The following PDILT variants were observed in gnomAD, a reference collection of about 807,000 sequenced individuals.
The protein encoded by PDILT is protein disulfide isomerase like, testis expressed.
In PDILT, 43 loss-of-function variants were observed where a neutral mutation model predicts 53.7. The observed-to-expected ratio is 0.80, with a 90% CI of 0.63 to 1.03. The LOEUF is 1.03. Among genes scored for constraint, PDILT ranks in the 50% least tolerant of loss-of-function variants. The probability of loss-of-function intolerance (pLI) is 0.00; values close to 1 mark genes in which losing one functional copy is unlikely to be tolerated. For synonymous variants in PDILT, 282 were observed against 274.2 expected, an observed-to-expected ratio of 1.03 and a Z score of -0.28; for missense variants, 727 against 712.3, an observed-to-expected ratio of 1.02 and a Z score of -0.24.
intron 3 of PDILT, among the ~76,000 whole-genome samples, chr16:20,383,549 G>A (rs764440328): frequency 6.6e-6 from 1 of 151,670 alleles, no homozygotes; most frequent in Non-Finnish European, 1.5e-5. Flanking sequence ...CTCTTGTGGC[G>A]CCTTTCTCTG....
intron 8 of PDILT, among the ~76,000 whole-genome samples, chr16:20,367,055 CTT>C (rs1282412864): frequency 3.3e-4 from 33 of 99,646 alleles, no homozygotes; most frequent in Non-Finnish European, 5.6e-4. Context: ...TTCTTTCTTT[CTT>C]TCTTTCTTTC....
At chr16:20,394,915 T>C (rs544325992) in intron 2 of PDILT, among the ~76,000 whole-genome samples, 1 of 152,262 alleles carries the variant, frequency 6.6e-6, no homozygotes, top group Non-Finnish European at 1.5e-5. Flanking sequence ...TAAGATGATA[T>C]GGACCCTTAT....
chr16:20,377,908 C>T (rs1966408751), intron 3 of PDILT, among the ~76,000 whole-genome samples: 2 of 151,620 alleles, frequency 1.3e-5, no homozygotes, highest in South Asian at 2.1e-4. Flanking sequence ...GAGCCAAGTT[C>T]GCACCACCGC....
In PDILT at chr16:20,359,363, G is replaced by A. The variant is rs1966063593; in HGVS notation, c.1711C>T (p.Pro571Ser). ...TTTGGTTTCTTCTTTTGCACTGGAG[G>A]TCCCTTTGGCTTAGCCACCACCACC... ...VVVVVAKPKG[P>S]PVQKKKPKVK... The change falls in exon 12 of 12, where the codon CCT becomes TCT. Residue 571 changes from proline to serine, a missense_variant. Coordinates refer to ENST00000302451, the MANE Select transcript of PDILT (RefSeq NM_174924.2). 6 of 1,614,006 alleles carry A rather than the reference G, an allele frequency of 3.7e-6. No homozygotes were observed. The highest frequency in any genetic ancestry group is 5.1e-6 in the Non-Finnish European group (6 of 1,180,026).
At chr16:20,393,274 G>A (rs896862467) in intron 2 of PDILT, among the ~76,000 whole-genome samples, 2 of 152,156 alleles carry the variant, frequency 1.3e-5, no homozygotes, top group African/African-American at 2.4e-5. Flanking sequence ...AATGCCTGCC[G>A]TGCTCACAGG....
intron 1 of PDILT, among the ~76,000 whole-genome samples, chr16:20,401,391 G>A (rs1966738298): frequency 6.6e-6 from 1 of 152,196 alleles, no homozygotes; most frequent in Non-Finnish European, 1.5e-5. Flanking sequence ...TGCCCAGCTG[G>A]AGACATCAAA....
intron 11 of PDILT, 106 bp from the exon 12 acceptor site, chr16:20,359,673 C>G (rs1966069176): frequency 6.9e-6 from 8 of 1,157,352 alleles, no homozygotes; most frequent in Non-Finnish European, 9.8e-6. Context: ...GTCAAGCCTA[C>G]TTTTTCTGAA....
intron 4 of PDILT, 84 bp downstream of exon 4, chr16:20,375,984 G>C (rs551525093): frequency 9.2e-5 from 140 of 1,529,608 alleles, no homozygotes; most frequent in Admixed American, 7.4e-4. Context: ...CAATCAAAAC[G>C]GAAGAGTCTC....
Position 20,384,730 on chromosome 16 carries a change from C to G in PDILT, c.324G>C (p.Glu108Asp), listed in dbSNP as rs1266549533. The G allele has an allele frequency of 6.2e-7, 1 of 1,614,098 alleles. No homozygotes were observed. The highest frequency in any genetic ancestry group is 8.5e-7 in the Non-Finnish European group (1 of 1,180,046). ...TGGTAATCCCAAACTCCTGCTGAAGCTCCTTCTCTATGGTAATGTCCACTT... is the reference window on the plus strand; with the variant it reads ...TGGTAATCCCAAACTCCTGCTGAAGGTCCTTCTCTATGGTAATGTCCACTT... ...FGKVDITIEK[E>D]LQQEFGITKA... Residue 108 changes from glutamate to aspartate, a missense_variant, in exon 3 of 12, where the codon GAG becomes GAC. Transcript: ENST00000302451.
intron 8 of PDILT, among the ~76,000 whole-genome samples, chr16:20,368,796 A>G (rs1596582012): frequency 6.6e-6 from 1 of 152,172 alleles, no homozygotes; most frequent in African/African-American, 2.4e-5. Flanking sequence ...TGATCTTGGT[A>G]TGGCCTCGAA....
intron 2 of PDILT, among the ~76,000 whole-genome samples, chr16:20,390,411 C>T (rs1966594218): frequency 6.6e-6 from 1 of 152,132 alleles, no homozygotes; most frequent in Non-Finnish European, 1.5e-5. Context: ...TGGATCACTG[C>T]CTCACCACCT....
intron 9 of PDILT, 48 bp downstream of exon 9, chr16:20,365,372 C>G (rs752623483): frequency 1.2e-6 from 2 of 1,601,402 alleles, no homozygotes; most frequent in Middle Eastern, 1.7e-4. Flanking sequence ...ACACTTGAAA[C>G]ATAATTTTGG....
At chr16:20,382,148 A>G (rs1160768380) in intron 3 of PDILT, among the ~76,000 whole-genome samples, 1 of 152,130 alleles carries the variant, frequency 6.6e-6, no homozygotes, top group Non-Finnish European at 1.5e-5. Context: ...ATCTTCCCAT[A>G]TCAGCCTCCC....
At chr16:20,375,061 T>C (rs1966365417) in intron 4 of PDILT, 102 bp from the exon 5 acceptor site, 1 of 1,357,250 alleles carries the variant, frequency 7.4e-7, no homozygotes, top group African/African-American at 1.5e-5. Context: ...TCTTCACTTT[T>C]TCAAGTTCTG....
intron 2 of PDILT, among the ~76,000 whole-genome samples, chr16:20,397,433 A>G (rs1043285072): frequency 6.6e-6 from 1 of 152,148 alleles, no homozygotes; most frequent in Admixed American, 6.6e-5. Flanking sequence ...ATGAGCTACC[A>G]TGCCCAGCCT....
intron 1 of PDILT, among the ~76,000 whole-genome samples, chr16:20,403,313 G>A (rs972406490): frequency 2.6e-5 from 4 of 152,178 alleles, no homozygotes; most frequent in Admixed American, 2.6e-4. Context: ...GTTTGAGACA[G>A]AGTTTTGCTC....
In PDILT at chr16:20,374,848, G is replaced by A. The variant is rs751918734; in HGVS notation, c.655C>T (p.Leu219Phe). 12 of 1,613,824 alleles carry A rather than the reference G, an allele frequency of 7.4e-6. No homozygotes were observed. In the Admixed American group the frequency reaches 2.0e-4, roughly 27 times the overall value. ...TTTTTGAACACCAGGACGCTGTCAA[G>A]GGTGACGTGGAAACGCCCAATGACA... is the stretch of plus-strand genomic sequence containing the variant. ...GNVIGRFHVT[L>F]DSVLVFKKGK... The change falls in exon 5 of 12, where the codon CTT (leucine) becomes TTT (phenylalanine). Residue 219 changes from leucine to phenylalanine, a missense_variant. Leu to Phe is a conservative substitution (Grantham distance 22, BLOSUM62 0). Transcript: ENST00000302451.
At chr16:20,394,572 T>C (rs749305962) in intron 2 of PDILT, among the ~76,000 whole-genome samples, 2 of 152,250 alleles carry the variant, frequency 1.3e-5, no homozygotes, top group Non-Finnish European at 2.9e-5. Flanking sequence ...CACACTTTAA[T>C]GTATGTGAAT....
intron 2 of PDILT, among the ~76,000 whole-genome samples, chr16:20,393,385 T>C (rs1459698088): frequency 5.3e-5 from 8 of 152,040 alleles, no homozygotes; most frequent in Non-Finnish European, 7.4e-5. Context: ...ACAGCCTGAG[T>C]TAGAGGGAGG....
Sources: gnomAD v4.1 joint callset for allele counts (sites outside exome capture counted in the v4.1 genomes callset) on GRCh38, gnomAD v4.1.1 for gene constraint, MANE v1.5 for transcripts, NCBI Gene and HGNC (gene_info 2026-07-23, HGNC 2026-07-21) for gene names.